The following AFF2 variants were observed in gnomAD, a reference collection of about 807,000 sequenced individuals.
AFF2 encodes the protein AF4/FMR2 family member 2.
In AFF2, 14 loss-of-function variants were observed where a neutral mutation model predicts 76.9. The observed-to-expected ratio is 0.18, with a 90% CI of 0.12 to 0.28. AFF2 has a LOEUF of 0.28. Ranked by LOEUF, AFF2 falls within the 10% of genes least tolerant of loss-of-function variation. The pLI, the probability that AFF2 is intolerant of heterozygous loss-of-function variation, is 1.00. For synonymous variants in AFF2, 398 were observed against 366.7 expected, an observed-to-expected ratio of 1.09 and a Z score of -0.98; for missense variants, 868 against 1,001.1, an observed-to-expected ratio of 0.87 and a Z score of 1.79.
intron 7 of AFF2, among the ~76,000 whole-genome samples, chrX:148,850,238 T>C (rs1247671812): frequency 8.9e-6 from 1 of 112,040 alleles, no homozygotes; most frequent in Non-Finnish European, 1.9e-5. Context: ...AGAAAACTAA[T>C]ATTTGGGTCT....
In AFF2 at chrX:148,500,957, A is replaced by T. The variant is rs2052340364; in HGVS notation, c.-141A>T. ...CCTCCAGCGCCCGCTGCTGCTGCCGATGCGGCCCGGACACTTTTAGCTGGG... is the reference window on the plus strand; with the variant it reads ...CCTCCAGCGCCCGCTGCTGCTGCCGTTGCGGCCCGGACACTTTTAGCTGGG... On this transcript the variant is annotated 5_prime_UTR_variant, in exon 1 of 21. The change abolishes an upstream ATG in the 5' untranslated region. Coordinates refer to ENST00000370460, the MANE Select transcript of AFF2 (RefSeq NM_002025.4). The T allele has an allele frequency of 2.7e-6, 2 of 747,227 alleles. No individual in the cohort carries two copies. Among genetic ancestry groups the T allele is most frequent in the Non-Finnish European group, 3.7e-6 (2 of 541,182 alleles). 61.6% of individuals were successfully genotyped at this position (747,227 alleles called of 1,213,427 possible).
chrX:148,811,988 T>C (rs1264817363), intron 4 of AFF2, among the ~76,000 whole-genome samples: 4 of 111,695 alleles, frequency 3.6e-5, no homozygotes, highest in Non-Finnish European at 1.9e-5. Flanking sequence ...GAATTCTTTT[T>C]TTTTTTTTCC....
In AFF2 at chrX:148,945,504, G is replaced by A. The variant is rs2084950524; in HGVS notation, c.1398-8076G>A. ...GCTCCCATCTGAATAGCCCCATGTA[G>A]ATATTAGCCTTGCCATGCTCAATGT... On this transcript the variant is annotated intron_variant, in intron 9 of 20. Coordinates refer to ENST00000370460, the MANE Select transcript of AFF2 (RefSeq NM_002025.4). 3.6e-5 allele frequency among the ~76,000 whole-genome samples: 4 copies of A among 112,004 alleles called. No homozygotes were observed. The Admixed American group carries it at 3.8e-4, about 11-fold the overall frequency.
intron 3 of AFF2, among the ~76,000 whole-genome samples, chrX:148,750,580 C>T (rs2055485718): frequency 9.0e-6 from 1 of 111,414 alleles, no homozygotes; most frequent in South Asian, 3.8e-4. Flanking sequence ...TGCTGTCTCA[C>T]ACTTCTAGCC....
In AFF2 at chrX:148,995,839, G is replaced by T. The variant is rs1170966653; in HGVS notation, c.*4507G>T. 1 of 112,922 alleles carries T rather than the reference G, an allele frequency of 8.9e-6. No homozygotes were observed. Among genetic ancestry groups the T allele is most frequent in the Admixed American group, 9.3e-5 (1 of 10,717 alleles). 9.3% of individuals were successfully genotyped at this position (112,922 alleles called of 1,213,427 possible). A position where few individuals can be genotyped will look rare whatever the true frequency, so the allele number is the denominator to read the frequency against. On this transcript the variant is annotated 3_prime_UTR_variant, in exon 21 of 21. Coordinates refer to ENST00000370460, the MANE Select transcript of AFF2 (RefSeq NM_002025.4). ...TCCAGGCCCCTGACAGGATGCTGCA[G>T]TAGCAAGCTCAAGCTCGCCTGCCTG...
chrX:148,770,101 A>G (rs919333588), intron 3 of AFF2, among the ~76,000 whole-genome samples: 1 of 111,532 alleles, frequency 9.0e-6, no homozygotes, highest in African/African-American at 3.3e-5. Flanking sequence ...GATGGGGGAA[A>G]AACTGCAAAG....
chrX:148,673,543 A>T (rs901831532), intron 3 of AFF2, among the ~76,000 whole-genome samples: 3 of 111,722 alleles, frequency 2.7e-5, no homozygotes, highest in South Asian at 3.8e-4. Flanking sequence ...ATCCCAGATG[A>T]TTCATGTCTA....
chrX:148,994,544 GC>G lies in AFF2; in HGVS notation c.*3214del, dbSNP rs1159536741. ...CTTTTAAAAGACTTAAGGTCGGGAT[GC>G]CTTTTTTTCCATGTAAGGAAATGAA... On this transcript the variant is annotated 3_prime_UTR_variant, in exon 21 of 21. Coordinates refer to ENST00000370460, the MANE Select transcript of AFF2 (RefSeq NM_002025.4). The G allele has an allele frequency of 8.9e-6, 1 of 112,101 alleles. No individual in the cohort carries two copies. The highest frequency in any genetic ancestry group is 1.9e-5 in the Non-Finnish European group (1 of 53,274). 9.2% of individuals were successfully genotyped at this position (112,101 alleles called of 1,213,427 possible).
At chrX:148,513,298 C>G (rs3790347) in intron 1 of AFF2, among the ~76,000 whole-genome samples, 2,114 of 111,861 alleles carry the variant, frequency 0.019, 20 homozygotes, top group East Asian at 0.054. Context: ...AGAGTCTTTT[C>G]TTTGTGCTGT....
At chrX:148,765,298 G>A (rs1192589705) in intron 3 of AFF2, among the ~76,000 whole-genome samples, 1 of 111,208 alleles carries the variant, frequency 9.0e-6, no homozygotes, top group Non-Finnish European at 1.9e-5. Flanking sequence ...AGTAGTAGTG[G>A]GTTTGGCTGT....
intron 3 of AFF2, among the ~76,000 whole-genome samples, chrX:148,790,601 C>T (rs1472181667): frequency 9.1e-6 from 1 of 109,634 alleles, no homozygotes; most frequent in African/African-American, 3.3e-5. Context: ...GAAAACCAAA[C>T]ACTGCATGTT....
chrX:148,981,633 C>T (rs1275472627), intron 19 of AFF2, among the ~76,000 whole-genome samples: 2 of 111,551 alleles, frequency 1.8e-5, no homozygotes, highest in Admixed American at 1.9e-4. Flanking sequence ...TACCCCTTAC[C>T]AGCCCAAGCC....
chrX:148,895,570 A>AGTGTGTGT (rs60601698), intron 8 of AFF2, among the ~76,000 whole-genome samples: 5 of 95,313 alleles, frequency 5.2e-5, no homozygotes, highest in African/African-American at 2.0e-4. Context: ...TGAGTGAGTG[A>AGTGTGTGT]GTGTGTGTGT....
chrX:148,613,610 C>T (rs1295283372), intron 1 of AFF2, among the ~76,000 whole-genome samples: 7 of 111,176 alleles, frequency 6.3e-5, no homozygotes, highest in Non-Finnish European at 1.3e-4. Context: ...GCAAAATGTT[C>T]GGGCTTGGAA....
intron 3 of AFF2, among the ~76,000 whole-genome samples, chrX:148,717,557 A>T (rs782695763): frequency 8.9e-6 from 1 of 111,994 alleles, no homozygotes; most frequent in East Asian, 2.8e-4. Context: ...GTTTAATTTT[A>T]TGTCTTGTAG....
intron 3 of AFF2, among the ~76,000 whole-genome samples, chrX:148,711,576 C>A (rs2054968250): frequency 8.9e-6 from 1 of 112,196 alleles, no homozygotes; most frequent in East Asian, 2.8e-4. Flanking sequence ...TCATGCATAA[C>A]CATGCCTGCT....
chrX:148,785,009 T>A (rs1434997860), intron 3 of AFF2, among the ~76,000 whole-genome samples: 2 of 111,343 alleles, frequency 1.8e-5, no homozygotes, highest in Non-Finnish European at 3.8e-5. Flanking sequence ...AACAATCAGG[T>A]CTTTGACTGA....
intron 7 of AFF2, among the ~76,000 whole-genome samples, chrX:148,873,127 G>C (rs1203930572): frequency 9.0e-6 from 1 of 111,526 alleles, no homozygotes; most frequent in Non-Finnish European, 1.9e-5. Context: ...CTGTTGAGAG[G>C]GACATTGCAC....
intron 1 of AFF2, among the ~76,000 whole-genome samples, chrX:148,609,495 G>C (rs1343852929): frequency 8.9e-6 from 1 of 111,873 alleles, no homozygotes; most frequent in Non-Finnish European, 1.9e-5. Flanking sequence ...CTGTCTGTGT[G>C]TGTAGTGACT....
Sources: gnomAD v4.1 joint callset for allele counts (sites outside exome capture counted in the v4.1 genomes callset) on GRCh38, gnomAD v4.1.1 for gene constraint, MANE v1.5 for transcripts, NCBI Gene and HGNC (gene_info 2026-07-23, HGNC 2026-07-21) for gene names.